The following RIMBP2 variants were observed in gnomAD, a reference collection of about 807,000 sequenced individuals.
RIMBP2 encodes the protein RIMS-binding protein 2.
Under a neutral mutation model 118.6 loss-of-function variants are expected in RIMBP2, and 48 were observed. That is an observed-to-expected ratio of 0.40 (90% confidence interval 0.32 to 0.51). The LOEUF (loss-of-function observed/expected upper bound fraction) is 0.51. Among genes scored for constraint, RIMBP2 ranks in the 20% least tolerant of loss-of-function variants. RIMBP2 has a pLI of 0.41. For synonymous variants in RIMBP2, 762 were observed against 742.9 expected (o/e 1.03, Z -0.42); for missense variants, 1,551 against 1,768.3 (o/e 0.88, Z 2.20).
intron 2 of RIMBP2, among the ~76,000 whole-genome samples, chr12:130,542,816 T>C (rs942214451): frequency 7.9e-5 from 12 of 152,200 alleles, no homozygotes; most frequent in Non-Finnish European, 4.4e-5. Context: ...GGAAAAACAT[T>C]CTTTCTGTTG....
intron 7 of RIMBP2, among the ~76,000 whole-genome samples, chr12:130,452,200 G>A (rs2079061714): frequency 6.6e-6 from 1 of 152,066 alleles, no homozygotes; most frequent in African/African-American, 2.4e-5. Context: ...CGGTCCCTCT[G>A]TAGCTGTCAC....
At chr12:130,637,025 T>C (rs1021447129) in intron 1 of RIMBP2, among the ~76,000 whole-genome samples, 2 of 152,186 alleles carry the variant, frequency 1.3e-5, no homozygotes, top group African/African-American at 4.8e-5. Context: ...GCTATGCCTA[T>C]TCAGTACCAT....
At chr12:130,403,940 C>A (rs2074901597) in intron 21 of RIMBP2, among the ~76,000 whole-genome samples, 1 of 152,128 alleles carries the variant, frequency 6.6e-6, no homozygotes, top group Non-Finnish European at 1.5e-5. Flanking sequence ...ATTATAAAGA[C>A]CATCTATCTT....
chr12:130,656,999 ATCC>A (rs2063459946), intron 1 of RIMBP2, among the ~76,000 whole-genome samples: 1 of 152,208 alleles, frequency 6.6e-6, no homozygotes, highest in South Asian at 2.1e-4. Context: ...GGCTCAAGTG[ATCC>A]TCCTGCCTCA....
chr12:130,527,039 T>C (rs4759712), intron 2 of RIMBP2, among the ~76,000 whole-genome samples: 67,524 of 151,704 alleles, frequency 0.45, 15,627 homozygotes, highest in Admixed American at 0.51. Flanking sequence ...CACTGAGCCC[T>C]ACTCCCGCCC....
intron 3 of RIMBP2, among the ~76,000 whole-genome samples, chr12:130,509,038 T>C (rs1389461442): frequency 1.3e-5 from 2 of 152,110 alleles, no homozygotes; most frequent in Admixed American, 6.6e-5. Context: ...TGGATCAGCA[T>C]GACCCCCGGC....
At chr12:130,606,783 A>G (rs1357383875) in intron 2 of RIMBP2, among the ~76,000 whole-genome samples, 1 of 152,164 alleles carries the variant, frequency 6.6e-6, no homozygotes, top group Non-Finnish European at 1.5e-5. Context: ...GAAGTCAAAA[A>G]TAATGCAAAA....
At chr12:130,509,046 G>A (rs1027804114) in intron 3 of RIMBP2, among the ~76,000 whole-genome samples, 6 of 151,970 alleles carry the variant, frequency 3.9e-5, no homozygotes, top group African/African-American at 1.2e-4. Context: ...CATGACCCCC[G>A]GCCCCCGGCC....
At chr12:130,666,614 A>C (rs2063923878) in intron 1 of RIMBP2, among the ~76,000 whole-genome samples, 1 of 151,962 alleles carries the variant, frequency 6.6e-6, no homozygotes, top group Admixed American at 6.6e-5. Context: ...AGATCCTGGC[A>C]CATAGAGATC....
chr12:130,708,579 A>T (rs2632611), intron 1 of RIMBP2, among the ~76,000 whole-genome samples: 4 of 151,840 alleles, frequency 2.6e-5, no homozygotes, highest in Non-Finnish European at 5.9e-5. Flanking sequence ...CCCAGATACA[A>T]AGGATGCTGA....
At chr12:130,655,059 G>T (rs557833809) in intron 1 of RIMBP2, among the ~76,000 whole-genome samples, 1 of 152,288 alleles carries the variant, frequency 6.6e-6, no homozygotes, top group East Asian at 1.9e-4. Context: ...CATGAGATTT[G>T]GGGGAGACAC....
intron 20 of RIMBP2, among the ~76,000 whole-genome samples, chr12:130,406,739 C>T (rs1282574858): frequency 2.6e-5 from 4 of 152,150 alleles, no homozygotes; most frequent in Admixed American, 2.6e-4. Flanking sequence ...CTCTGCCTCT[C>T]GGGTTCAAGC....
intron 2 of RIMBP2, among the ~76,000 whole-genome samples, chr12:130,554,347 G>A (rs745742943): frequency 2.0e-5 from 3 of 152,126 alleles, no homozygotes; most frequent in Non-Finnish European, 4.4e-5. Flanking sequence ...AAGTGCCCAG[G>A]GAGTGATTAG....
chr12:130,495,245 C>T (rs1051540905), intron 4 of RIMBP2, among the ~76,000 whole-genome samples: 3 of 152,236 alleles, frequency 2.0e-5, no homozygotes, highest in Non-Finnish European at 4.4e-5. Flanking sequence ...GGCTGCTTCA[C>T]TTGCTCCCCA....
chr12:130,638,505 T>C (rs1415231578), intron 1 of RIMBP2, among the ~76,000 whole-genome samples: 1 of 152,176 alleles, frequency 6.6e-6, no homozygotes, highest in Non-Finnish European at 1.5e-5. Context: ...AACAAGTGAC[T>C]GCCTGAGCTC....
intron 1 of RIMBP2, among the ~76,000 whole-genome samples, chr12:130,693,656 T>C (rs1437656418): frequency 6.6e-6 from 1 of 152,196 alleles, no homozygotes. Context: ...AACCCAAGTC[T>C]CTGGAGGTGG....
chr12:130,420,380 T>G lies in RIMBP2; in HGVS notation c.3238+2073A>C, dbSNP rs1219864039. On this transcript the variant is annotated intron_variant, in intron 17 of 22. Coordinates refer to ENST00000690449, the MANE Select transcript of RIMBP2 (RefSeq NM_001393629.1). The surrounding 1 kb of genome is among the most constrained non-coding windows in gnomAD (Gnocchi z 4.3). Reference sequence around the variant, plus strand: ...TGTCAGTTAACTCTTTTCTGAGTTATGTTCAGAGGCTTTTTCCTTGTTAAG... The same window carrying G: ...TGTCAGTTAACTCTTTTCTGAGTTAGGTTCAGAGGCTTTTTCCTTGTTAAG... 6.6e-6 allele frequency among the ~76,000 whole-genome samples: 1 copy of G among 152,214 alleles called. No homozygotes were observed. The highest frequency in any genetic ancestry group is 2.4e-5 in the African/African-American group (1 of 41,454).
chr12:130,564,041 GGCCCTTGC>G (rs2057028212), intron 2 of RIMBP2, among the ~76,000 whole-genome samples: 1 of 145,956 alleles, frequency 6.9e-6, no homozygotes, highest in Non-Finnish European at 1.5e-5. Flanking sequence ...CCAGTCCCAG[GGCCCTTGC>G]ACCTCTCTCT....
intron 21 of RIMBP2, among the ~76,000 whole-genome samples, chr12:130,404,261 G>A (rs889551515): frequency 6.6e-6 from 1 of 152,070 alleles, no homozygotes; most frequent in African/African-American, 2.4e-5. Flanking sequence ...ATATGCTAGG[G>A]GGAAAAATCA....
Sources: gnomAD v4.1 joint callset for allele counts (sites outside exome capture counted in the v4.1 genomes callset) on GRCh38, gnomAD v4.1.1 for gene constraint, Gnocchi (gnomAD v3.1) non-coding constraint, MANE v1.5 for transcripts, NCBI Gene and HGNC (gene_info 2026-07-23, HGNC 2026-07-21) for gene names.